SYBU: variants seen among roughly 807,000 people sequenced by gnomAD.
The protein encoded by SYBU is syntabulin, also known as GOLSYN A protein.
Under a neutral mutation model 35.9 loss-of-function variants are expected in SYBU, and 21 were observed. The observed-to-expected ratio is 0.58, with a 90% confidence interval of 0.41 to 0.84. The LOEUF is 0.84. Among genes scored for constraint, SYBU ranks in the 40% least tolerant of loss-of-function variants. The pLI is 0.00. For missense variants in SYBU, 768 were observed against 848.2 expected, an observed-to-expected ratio of 0.91 and a Z score of 1.17; for synonymous variants, 319 against 324.3, an observed-to-expected ratio of 0.98 and a Z score of 0.18.
At chr8:109,638,863 C>T (rs1043461062) in intron 2 of SYBU, among the ~76,000 whole-genome samples, 5 of 152,144 alleles carry the variant, frequency 3.3e-5, no homozygotes, top group South Asian at 2.1e-4. Context: ...AAAGAAATTT[C>T]GCTAAGAAGA....
intron 3 of SYBU, among the ~76,000 whole-genome samples, chr8:109,617,170 T>C (rs1267922718): frequency 6.6e-6 from 1 of 151,926 alleles, no homozygotes; most frequent in East Asian, 1.9e-4. Context: ...ACGTATGAAG[T>C]ACTGATGTAC....
Position 109,574,103 on chromosome 8 carries a change from C to A in SYBU, c.*803G>T, listed in dbSNP as rs1296701422. On this transcript the variant is annotated 3_prime_UTR_variant, in exon 7 of 7. Transcript: ENST00000276646. ...CTAATTTAATTCAATTTTTACAGAC[C>A]CCCTATTGATAAAGATGTAAGATCT... is the stretch of plus-strand genomic sequence containing the variant. 1 of 151,930 alleles carries A rather than the reference C, an allele frequency of 6.6e-6. No individual in the cohort carries two copies. Among genetic ancestry groups the A allele is most frequent in the Non-Finnish European group, 1.5e-5 (1 of 67,974 alleles). 9.4% of individuals were successfully genotyped at this position (151,930 alleles called of 1,614,324 possible).
At chr8:109,673,736 G>A (rs937702532) in intron 1 of SYBU, among the ~76,000 whole-genome samples, 1 of 152,082 alleles carries the variant, frequency 6.6e-6, no homozygotes, top group Non-Finnish European at 1.5e-5. Flanking sequence ...AAACTCCTCC[G>A]AGCTAAAGGA....
chr8:109,592,270 A>G (rs1471155353), intron 3 of SYBU, among the ~76,000 whole-genome samples: 1 of 152,070 alleles, frequency 6.6e-6, no homozygotes, highest in Non-Finnish European at 1.5e-5. Flanking sequence ...TCCTTTTGCC[A>G]TTGTTCAGCA....
At chr8:109,640,137 T>C (rs963520020) in intron 2 of SYBU, among the ~76,000 whole-genome samples, 4 of 152,188 alleles carry the variant, frequency 2.6e-5, no homozygotes, top group African/African-American at 4.8e-5. Flanking sequence ...CCCATAATTA[T>C]ATGCTTCTGC....
At chr8:109,653,548 A>T (rs1422168622) in intron 1 of SYBU, among the ~76,000 whole-genome samples, 1 of 152,258 alleles carries the variant, frequency 6.6e-6, no homozygotes, top group South Asian at 2.1e-4. Context: ...AAACCCCACA[A>T]CCCTGTGGAT....
chr8:109,606,310 C>T (rs535320113), intron 3 of SYBU, among the ~76,000 whole-genome samples: 25 of 152,222 alleles, frequency 1.6e-4, no homozygotes, highest in African/African-American at 5.5e-4. Context: ...AATCACAATA[C>T]AATAGAAGTT....
At chr8:109,663,289 ATAGATAGATAGG>A (rs1396519873) in intron 1 of SYBU, among the ~76,000 whole-genome samples, 35 of 151,494 alleles carry the variant, frequency 2.3e-4, no homozygotes, top group African/African-American at 8.5e-4. Context: ...AGATAGATAG[ATAGATAGATAGG>A]TAGATAGATA....
chr8:109,603,837 C>T (rs1825797584), intron 3 of SYBU, among the ~76,000 whole-genome samples: 1 of 152,160 alleles, frequency 6.6e-6, no homozygotes. Context: ...ACAGTGGTTA[C>T]CCCTGGGGTA....
chr8:109,602,272 G>A (rs566145256), intron 3 of SYBU, among the ~76,000 whole-genome samples: 7 of 152,184 alleles, frequency 4.6e-5, no homozygotes, highest in South Asian at 2.1e-4. Flanking sequence ...GTGGAGATAC[G>A]TATGTTTGGA....
At position 109,593,100 on chromosome 8, in the gene SYBU, C is replaced by T. The variant is rs188798579; in HGVS notation, c.428-6938G>A. On this transcript the variant is annotated intron_variant, in intron 3 of 6. Transcript: ENST00000276646. ...TTTCTGGGAAACTCTCACAAAAATT[C>T]CAGTTCAGAAGATCTGGGAGGAGGG... Among the ~76,000 whole-genome samples the T allele has an allele frequency of 8.0e-3, 1,218 of 152,260 alleles. 12 individuals are homozygous for T. Among genetic ancestry groups the T allele is most frequent in the Middle Eastern group, 0.041 (12 of 294 alleles).
At chr8:109,671,228 T>C (rs141917328) in intron 1 of SYBU, among the ~76,000 whole-genome samples, 4 of 150,384 alleles carry the variant, frequency 2.7e-5, no homozygotes, top group African/African-American at 9.6e-5. Flanking sequence ...TATTTCAGCA[T>C]TTCCAGTTTT....
chr8:109,680,121 C>T lies in SYBU; in HGVS notation c.-129+590G>A, dbSNP rs1586998895. 2.6e-5 allele frequency: 4 copies of T among 152,248 alleles called. No individual in the cohort carries two copies. The South Asian group carries it at 8.3e-4, about 31-fold the overall frequency. 9.4% of individuals were successfully genotyped at this position (152,248 alleles called of 1,614,324 possible). ...TTCAATTTGTACAACTACAAAACAA[C>T]TAGCATATCACATTCAAATTAATTC... On this transcript the variant is annotated intron_variant, in intron 1 of 5. Transcript: ENST00000408889.
chr8:109,661,847 A>G (rs1322210314), intron 1 of SYBU, among the ~76,000 whole-genome samples: 1 of 152,156 alleles, frequency 6.6e-6, no homozygotes, highest in African/African-American at 2.4e-5. Flanking sequence ...TACCAACTTT[A>G]TTACCCCAAG....
At chr8:109,682,337 G>A (rs749007409), upstream of SYBU, among the ~76,000 whole-genome samples, 1 of 152,330 alleles carries the variant, frequency 6.6e-6, no homozygotes, top group South Asian at 2.1e-4. Context: ...GAGACTTGTT[G>A]AATGGCTTTG....
intron 4 of SYBU, among the ~76,000 whole-genome samples, chr8:109,581,965 C>T (rs977278126): frequency 6.6e-6 from 1 of 152,120 alleles, no homozygotes; most frequent in Admixed American, 6.5e-5. Context: ...CTTCAGCAGC[C>T]CATGGTAGAA....
chr8:109,579,692 A>C, intron 5 of SYBU, 107 bp downstream of exon 5: 1 of 1,042,838 alleles, frequency 9.6e-7, no homozygotes, highest in Non-Finnish European at 1.4e-6. Context: ...TGTCTTGTAG[A>C]ATCAGGCAAG....
chr8:109,642,667 T>A (rs1815043701), intron 2 of SYBU, 61 bp downstream of exon 2: 2 of 1,241,530 alleles, frequency 1.6e-6, no homozygotes, highest in Admixed American at 5.1e-5. Context: ...ATGGGCCCAT[T>A]CACAATGCAC....
intron 1 of SYBU, chr8:109,643,267 C>T: frequency 1.2e-6 from 1 of 826,034 alleles, no homozygotes; most frequent in Non-Finnish European, 1.5e-6. Flanking sequence ...CACATTCAAG[C>T]TTCTGCCTCC....
Sources: allele counts gnomAD v4.1 joint callset (sites outside exome capture counted in the v4.1 genomes callset), GRCh38; gene constraint gnomAD v4.1.1; transcripts MANE v1.5; gene names NCBI Gene and HGNC (gene_info 2026-07-23, HGNC 2026-07-21).